Variants in NKTR observed in about 807,000 individuals in gnomAD.
NKTR encodes natural killer cell triggering receptor.
A neutral mutation model predicts 156.3 loss-of-function variants in NKTR; 67 were observed. The observed-to-expected ratio is 0.43, with a 90% CI of 0.35 to 0.53. The LOEUF (loss-of-function observed/expected upper bound fraction) is 0.53, where lower values mean the gene tolerates loss of function less well. NKTR is among the 20% of genes least tolerant of loss of function. The pLI is 0.01. For missense variants in NKTR, 1,604 were observed against 1,730.9 expected, an observed-to-expected ratio of 0.93 and a Z score of 1.30; for synonymous variants, 640 against 596.6, an observed-to-expected ratio of 1.07 and a Z score of -1.06.
At chr3:42,617,856 A>G (rs1195996434) in intron 3 of NKTR, among the ~76,000 whole-genome samples, 1 of 152,254 alleles carries the variant, frequency 6.6e-6, no homozygotes, top group Non-Finnish European at 1.5e-5. Flanking sequence ...AAAAATGAAA[A>G]AGAGAGTAAG....
At chr3:42,620,466 C>G (rs1416378916) in intron 5 of NKTR, 4 of 989,052 alleles carry the variant, frequency 4.0e-6, no homozygotes, top group Non-Finnish European at 4.8e-6. Context: ...TCTAATATTA[C>G]TAGGTTTTAA....
chr3:42,634,947 T>C, intron 11 of NKTR: 1 of 452,992 alleles, frequency 2.2e-6, no homozygotes, highest in Non-Finnish European at 3.9e-6. Context: ...TCATTAAGAC[T>C]TTAAAAAGGA....
intron 2 of NKTR, among the ~76,000 whole-genome samples, chr3:42,617,011 C>A (rs1358886488): frequency 6.6e-6 from 1 of 152,132 alleles, no homozygotes; most frequent in African/African-American, 2.4e-5. Flanking sequence ...CCTGCCTCAG[C>A]CTCCCAAAGT....
At chr3:42,630,339 TATA>T in intron 6 of NKTR, 1 of 1,391,402 alleles carries the variant, frequency 7.2e-7, no homozygotes. Context: ...TGTAATTCAT[TATA>T]ATCTTGAGTT....
chr3:42,635,187 A>AT (rs777491080), intron 11 of NKTR, 34 bp from the exon 12 acceptor site: 4 of 1,591,392 alleles, frequency 2.5e-6, no homozygotes, highest in East Asian at 4.5e-5. Flanking sequence ...GTGGAGAGGC[A>AT]TTTTTTAAAA....
rs902558648 is a variant in NKTR, at chr3:42,629,152, G to A, written c.375-1394G>A. 48 of 981,588 alleles carry A rather than the reference G, an allele frequency of 4.9e-5. No individual in the cohort carries two copies. The African/African-American group carries it at 8.1e-4, about 16-fold the overall frequency. 60.8% of individuals were successfully genotyped at this position (981,588 alleles called of 1,614,324 possible). ...CTATCTTGAAGTTACCATCCAAGGTGGTTTCTGGATGCTAGTTTAATGATT... is the reference window on the plus strand; with the variant it reads ...CTATCTTGAAGTTACCATCCAAGGTAGTTTCTGGATGCTAGTTTAATGATT... On this transcript the variant is annotated intron_variant, in intron 6 of 16. Coordinates refer to ENST00000232978, the MANE Select transcript of NKTR (RefSeq NM_005385.4).
intron 11 of NKTR, 28 bp downstream of exon 11, chr3:42,634,728 T>C (rs367820814): frequency 4.2e-5 from 53 of 1,270,452 alleles, no homozygotes; most frequent in Non-Finnish European, 4.4e-5. Flanking sequence ...TTTTTTGATA[T>C]TATGTATCTA....
chr3:42,631,102 T>TA, intron 7 of NKTR, 69 bp from the exon 8 acceptor site: 1 of 1,577,804 alleles, frequency 6.3e-7, no homozygotes, highest in Non-Finnish European at 8.6e-7. Flanking sequence ...TGATTACAGT[T>TA]AATTGTCTTG....
intron 9 of NKTR, chr3:42,633,061 A>T: frequency 8.6e-7 from 1 of 1,162,102 alleles, no homozygotes; most frequent in Non-Finnish European, 1.1e-6. Context: ...TTTTTAAGAG[A>T]TAGGGTCTTG....
intron 2 of NKTR, among the ~76,000 whole-genome samples, chr3:42,606,578 G>A (rs1706258658): frequency 6.6e-6 from 1 of 152,056 alleles, no homozygotes; most frequent in African/African-American, 2.4e-5. Flanking sequence ...CACTCCCTAT[G>A]TATGTATACT....
Position 42,633,633 on chromosome 3 carries a change from A to C in NKTR, c.827A>C (p.Lys276Thr). The C allele has an allele frequency of 6.2e-7, 1 of 1,614,208 alleles. No individual in the cohort carries two copies. The highest frequency in any genetic ancestry group is 8.5e-7 in the Non-Finnish European group (1 of 1,180,034). The change falls in exon 10 of 17, where the codon AAA (lysine) becomes ACA (threonine). Residue 276 changes from lysine (K) to threonine (T), a missense_variant. By Grantham distance (78) the Lys-to-Thr change is moderately conservative. Transcript: ENST00000232978. ...NEKRSVDSSA[K>T]REKPVVRPEE... The stretch of plus-strand genomic sequence containing the variant: ...AAAAGGTCAGTTGATTCCAGTGCTA[A>C]AAGGGAAAAACCTGTGGTCCGCCCA...
chr3:42,634,539 T>C, intron 10 of NKTR, 74 bp from the exon 11 acceptor site: 1 of 779,914 alleles, frequency 1.3e-6, no homozygotes, highest in Non-Finnish European at 2.1e-6. Flanking sequence ...TAGCTTAACA[T>C]AATGTGTTTT....
intron 6 of NKTR, among the ~76,000 whole-genome samples, chr3:42,624,503 G>C (rs934485263): frequency 1.3e-5 from 2 of 151,992 alleles, no homozygotes; most frequent in African/African-American, 4.8e-5. Context: ...TAAAGTCATA[G>C]AGTGGAAAGG....
intron 7 of NKTR, 121 bp from the exon 8 acceptor site, chr3:42,631,050 A>C: frequency 6.9e-7 from 1 of 1,453,064 alleles, no homozygotes. Context: ...GCTTCATACA[A>C]CAAACAGTTT....
chr3:42,629,108 T>C (rs1301492551), intron 6 of NKTR: 5 of 972,184 alleles, frequency 5.1e-6, no homozygotes, highest in Non-Finnish European at 6.1e-6. Context: ...TGGTAAAGTT[T>C]TATAATTAAA....
At chr3:42,610,574 CT>C (rs934946299) in intron 2 of NKTR, among the ~76,000 whole-genome samples, 1 of 149,956 alleles carries the variant, frequency 6.7e-6, no homozygotes, top group African/African-American at 2.4e-5. Flanking sequence ...TCACCGTGCA[CT>C]TTTGGTTTCT....
intron 16 of NKTR, 63 bp downstream of exon 16, chr3:42,644,066 G>T: frequency 1.0e-6 from 1 of 983,000 alleles, no homozygotes; most frequent in Non-Finnish European, 1.6e-6. Flanking sequence ...CTTGATGTGG[G>T]AGGGTGATGG....
chr3:42,616,685 T>G (rs1435039550), intron 2 of NKTR, among the ~76,000 whole-genome samples: 1 of 152,238 alleles, frequency 6.6e-6, no homozygotes, highest in African/African-American at 2.4e-5. Flanking sequence ...CTTTTCCTTG[T>G]AATCTCGTGT....
intron 4 of NKTR, chr3:42,619,438 TTGAAA>T: frequency 7.3e-7 from 1 of 1,365,236 alleles, no homozygotes; most frequent in Non-Finnish European, 9.4e-7. Flanking sequence ...TTATTACTGT[TTGAAA>T]TAAGTAGGTT....
Sources: allele counts gnomAD v4.1 joint callset (sites outside exome capture counted in the v4.1 genomes callset), GRCh38; gene constraint gnomAD v4.1.1; transcripts MANE v1.5; gene names NCBI Gene and HGNC (gene_info 2026-07-23, HGNC 2026-07-21).